The following RTP5 variants were observed in gnomAD, a reference collection of about 807,000 sequenced individuals.
RTP5 encodes the protein receptor transporter protein 5 (putative).
Under a neutral mutation model 23.5 loss-of-function variants are expected in RTP5, and 30 were observed. The ratio of observed to expected loss-of-function variants is 1.27; its 90% CI spans 0.95 to 1.73. The LOEUF (loss-of-function observed/expected upper bound fraction) is 1.73. Ranked by LOEUF, RTP5 falls within the 40% of genes most tolerant of loss-of-function variation. The pLI, the probability that RTP5 is intolerant of heterozygous loss-of-function variation, is 0.00. For synonymous variants in RTP5, 354 were observed against 342.1 expected, an observed-to-expected ratio of 1.03 and a Z score of -0.38; for missense variants, 807 against 784.2, an observed-to-expected ratio of 1.03 and a Z score of -0.35.
At position 241,869,876 on chromosome 2, in the gene RTP5, C is replaced by T. The variant is rs763164430; in HGVS notation, c.120C>T (p.Asp40=). 4.1e-5 allele frequency: 65 copies of T among 1,583,746 alleles called. No individual in the cohort carries two copies. The highest frequency in any genetic ancestry group is 1.0e-4 in the South Asian group (9 of 87,200). The stretch of plus-strand genomic sequence containing the variant: ...ACAGCCTGGTCCCGGGATGCCTGGA[C>T]GGCGGTGGTGTCCAGTACCTGCTGG... The part of the protein sequence containing the change: ...PEHSLVPGCL[D]GGGVQYLLVG... The change falls in exon 1 of 2, where the codon GAC becomes GAT. Residue 40 remains aspartate (D), a synonymous_variant. Coordinates refer to ENST00000343216, the MANE Select transcript of RTP5 (RefSeq NM_173821.3).
At position 241,872,316 on chromosome 2, in the gene RTP5, C is replaced by T; in HGVS notation, c.761C>T (p.Ala254Val). 3 of 1,605,884 alleles carry T rather than the reference C, an allele frequency of 1.9e-6. No individual in the cohort carries two copies. The highest frequency in any genetic ancestry group is 2.5e-6 in the Non-Finnish European group (3 of 1,176,538). The change falls in exon 2 of 2, where the codon GCC (alanine) becomes GTC (valine). Residue 254 changes from alanine to valine, a missense_variant. By Grantham distance (64) the Ala-to-Val change is moderately conservative. Coordinates refer to ENST00000343216, the MANE Select transcript of RTP5 (RefSeq NM_173821.3). ...ATCTTCCTGTCTGGGGATTCAGTGGCCATGCCTGGGGGCAAAGGCTTCCCG... is the reference window on the plus strand; with the variant it reads ...ATCTTCCTGTCTGGGGATTCAGTGGTCATGCCTGGGGGCAAAGGCTTCCCG... ...GSIFLSGDSV[A>V]MPGGKGFPVA...
Position 241,871,735 on chromosome 2 carries a change from G to T in RTP5, c.180G>T (p.Pro60=). 6.2e-7 allele frequency: 1 copy of T among 1,605,396 alleles called. No homozygotes were observed. Among genetic ancestry groups the T allele is most frequent in the Admixed American group, 1.7e-5 (1 of 58,942 alleles). The stretch of plus-strand genomic sequence containing the variant: ...GCAGGCTCCAGTGCGGTCACTGTCC[G>T]GGGACCTGGGACTCGGCCCATGTGC... The part of the protein sequence containing the change: ...GLSRLQCGHC[P]GTWDSAHVHV... The change falls in exon 2 of 2, where the codon CCG becomes CCT. Residue 60 remains proline (P), a synonymous_variant. Coordinates refer to ENST00000343216, the MANE Select transcript of RTP5 (RefSeq NM_173821.3).
rs1267619213 is a variant in RTP5, at chr2:241,869,929, TG to T, written c.158+19del. 5 of 1,485,036 alleles carry T rather than the reference TG, an allele frequency of 3.4e-6. No homozygotes were observed. The South Asian group carries it at 5.4e-5, about 16-fold the overall frequency. 92.0% of individuals were successfully genotyped at this position (1,485,036 alleles called of 1,614,324 possible). A position where few individuals can be genotyped will look rare whatever the true frequency, so the allele number is the denominator to read the frequency against. ...GGGCTCTCGAGGTGCGGCCAGAGGT[TG>T]GGGACCCTGGGAGAGGCAGGGGGCT... is the stretch of plus-strand genomic sequence containing the variant. On this transcript the variant is annotated intron_variant, in intron 1 of 1. Transcript: ENST00000343216.
rs770348603 is a variant in RTP5, at chr2:241,873,133, C to T, written c.1578C>T (p.Asp526=). 5.6e-6 allele frequency: 9 copies of T among 1,612,216 alleles called. No individual in the cohort carries two copies. The highest frequency in any genetic ancestry group is 4.0e-5 in the African/African-American group (3 of 75,050). The change falls in exon 2 of 2, where the codon GAC becomes GAT. Residue 526 remains aspartate (D), a synonymous_variant. Coordinates refer to ENST00000343216, the MANE Select transcript of RTP5 (RefSeq NM_173821.3). ...GCTGTGGGTGCCGCCGGGAGGAAGA[C>T]GAGCGCCCTGGCCGTGCCTGCCGTA... The part of the protein sequence containing the change: ...KARCGCRREE[D]ERPGRACRRP...
chr2:241,869,841 C>G lies in RTP5; in HGVS notation c.85C>G (p.Leu29Val), dbSNP rs1414745224. ...ERKPQDVWVL[L>V]PEHSLVPGCL... ...GAAGCCCCAGGACGTCTGGGTTCTG[C>G]TACCTGAGCACAGCCTGGTCCCGGG... Residue 29 changes from leucine to valine, a missense_variant, in exon 1 of 2, where the codon CTA (leucine) becomes GTA (valine). Leu to Val is a conservative substitution (Grantham distance 32). Coordinates refer to ENST00000343216, the MANE Select transcript of RTP5 (RefSeq NM_173821.3). The G allele has an allele frequency of 1.9e-6, 3 of 1,585,254 alleles. No homozygotes were observed. In the African/African-American group the frequency reaches 4.1e-5, roughly 21 times the overall value.
In RTP5 at chr2:241,873,190, G is replaced by T; in HGVS notation, c.1635G>T (p.Trp545Cys). The change falls in exon 2 of 2, where the codon TGG becomes TGT. Residue 545 changes from tryptophan to cysteine, a missense_variant. Coordinates refer to ENST00000343216, the MANE Select transcript of RTP5 (RefSeq NM_173821.3). ...RPHAEPYEDFWIWVSMTVCVF... is the reference protein window; with the variant it reads ...RPHAEPYEDFCIWVSMTVCVF... ...ACGCCGAGCCCTACGAGGACTTCTG[G>T]ATCTGGGTGTCCATGACCGTGTGCG... The T allele has an allele frequency of 6.2e-7, 1 of 1,610,296 alleles. No homozygotes were observed.
chr2:241,870,934 C>A, intron 1 of RTP5: 1 of 471,088 alleles, frequency 2.1e-6, no homozygotes, highest in South Asian at 1.5e-5. Flanking sequence ...ATAGAACATT[C>A]TGTCATCCAG....
intron 1 of RTP5, among the ~76,000 whole-genome samples, 168 bp from the exon 2 acceptor site, chr2:241,871,546 G>A (rs527743325): frequency 6.6e-6 from 1 of 152,304 alleles, no homozygotes; most frequent in East Asian, 1.9e-4. Context: ...CCTTGGCCGC[G>A]GCCCTGGGTG....
chr2:241,872,292 T>C lies in RTP5; in HGVS notation c.737T>C (p.Ile246Thr), dbSNP rs1422138754. The C allele has an allele frequency of 2.5e-6, 4 of 1,599,916 alleles. No individual in the cohort carries two copies. Among genetic ancestry groups the C allele is most frequent in the Non-Finnish European group, 3.4e-6 (4 of 1,172,084 alleles). ...GCCCTGGTCATCGGCCAGGGCTCCA[T>C]CTTCCTGTCTGGGGATTCAGTGGCC... ...CEALVIGQGS[I>T]FLSGDSVAMP... Residue 246 changes from isoleucine to threonine, a missense_variant, in exon 2 of 2, where the codon ATC becomes ACC. Ile to Thr is a moderately conservative substitution (Grantham distance 89, BLOSUM62 -1). Transcript: ENST00000343216.
chr2:241,873,142 TG>T lies in RTP5; in HGVS notation c.1589del (p.Gly530AlafsTer21). ...GCRREEDERP[G>X]RACRRPHAEP... ...GCCGCCGGGAGGAAGACGAGCGCCC[TG>T]GCCGTGCCTGCCGTAGGCCGCACGC... On this transcript the variant is annotated frameshift_variant, in exon 2 of 2. Coordinates refer to ENST00000343216, the MANE Select transcript of RTP5 (RefSeq NM_173821.3). LOFTEE classifies it high-confidence loss of function. 6.2e-7 allele frequency: 1 copy of T among 1,611,912 alleles called. No individual in the cohort carries two copies. The highest frequency in any genetic ancestry group is 8.5e-7 in the Non-Finnish European group (1 of 1,179,896).
In RTP5 at chr2:241,872,153, G is replaced by A. The variant is rs755381124; in HGVS notation, c.598G>A (p.Val200Ile). ...TPGDDLGKGG[V>I]VIAIPFSLVG... ...TGGCGACGACCTTGGCAAGGGTGGC[G>A]TTGTCATCGCCATCCCCTTCTCCCT... The change falls in exon 2 of 2, where the codon GTT becomes ATT. Residue 200 changes from valine to isoleucine, a missense_variant. Coordinates refer to ENST00000343216, the MANE Select transcript of RTP5 (RefSeq NM_173821.3). 16 of 1,611,672 alleles carry A rather than the reference G, an allele frequency of 9.9e-6. No homozygotes were observed. Among genetic ancestry groups the A allele is most frequent in the African/African-American group, 2.7e-5 (2 of 75,048 alleles).
At chr2:241,869,945 G>A in intron 1 of RTP5, 31 bp downstream of exon 1, 1 of 1,457,506 alleles carries the variant, frequency 6.9e-7, no homozygotes, top group Non-Finnish European at 9.0e-7. Flanking sequence ...CCCTGGGAGA[G>A]GCAGGGGGCT....
intron 1 of RTP5, chr2:241,871,217 C>A (rs1294110116): frequency 2.7e-6 from 1 of 374,286 alleles, no homozygotes; most frequent in Non-Finnish European, 5.3e-6. Context: ...GGGACCCCCA[C>A]TTGCTGAGCC....
In RTP5 at chr2:241,873,388, G is replaced by A. The variant is rs1351618296; in HGVS notation, c.*114G>A. 4.4e-6 allele frequency: 4 copies of A among 917,876 alleles called. No homozygotes were observed. The highest frequency in any genetic ancestry group is 1.3e-4 in the Admixed American group (2 of 15,896). 56.9% of individuals were successfully genotyped at this position (917,876 alleles called of 1,614,324 possible). On this transcript the variant is annotated 3_prime_UTR_variant, in exon 2 of 2. Coordinates refer to ENST00000343216, the MANE Select transcript of RTP5 (RefSeq NM_173821.3). ...CCTCCGAGACCCCGCCTCCACCTCCGAGACCCCTTTCTCTGAGACCCCCGC... is the reference window on the plus strand; with the variant it reads ...CCTCCGAGACCCCGCCTCCACCTCCAAGACCCCTTTCTCTGAGACCCCCGC...
At position 241,872,482 on chromosome 2, in the gene RTP5, C is replaced by G. The variant is rs190333141; in HGVS notation, c.927C>G (p.Ile309Met). 1 of 1,596,864 alleles carries G rather than the reference C, an allele frequency of 6.3e-7. No homozygotes were observed. The highest frequency in any genetic ancestry group is 2.2e-5 in the East Asian group (1 of 44,620). The change falls in exon 2 of 2, where the codon ATC (isoleucine) becomes ATG (methionine). Residue 309 changes from isoleucine (I) to methionine (M), a missense_variant. Physicochemically the swap from Ile to Met is conservative, Grantham distance 10 (BLOSUM62 1). Coordinates refer to ENST00000343216, the MANE Select transcript of RTP5 (RefSeq NM_173821.3). The part of the protein sequence containing the change: ...PVGVAQGWGP[I>M]SLNNGLVPVG... The stretch of plus-strand genomic sequence containing the variant: ...GCGTGGCCCAGGGCTGGGGCCCCAT[C>G]TCCCTCAACAATGGCCTCGTCCCTG...
chr2:241,873,066 A>G lies in RTP5; in HGVS notation c.1511A>G (p.Tyr504Cys). The G allele has an allele frequency of 3.7e-6, 6 of 1,612,996 alleles. No homozygotes were observed. Among genetic ancestry groups the G allele is most frequent in the Non-Finnish European group, 5.1e-6 (6 of 1,179,924 alleles). The change falls in exon 2 of 2, where the codon TAT (tyrosine) becomes TGT (cysteine). Residue 504 changes from tyrosine to cysteine, a missense_variant. Coordinates refer to ENST00000343216, the MANE Select transcript of RTP5 (RefSeq NM_173821.3). ...PQGNGCFSQG[Y>C]YQKRQLRSRF... ...GGCAATGGCTGCTTCTCCCAAGGCT[A>G]TTACCAGAAGAGGCAGCTGAGGTCC...
chr2:241,869,777 CAT>C lies in RTP5; in HGVS notation c.22_23del (p.Met8ValfsTer23). 1 of 1,537,500 alleles carries C rather than the reference CAT, an allele frequency of 6.5e-7. No homozygotes were observed. Among genetic ancestry groups the C allele is most frequent in the East Asian group, 2.5e-5 (1 of 40,134 alleles). On this transcript the variant is annotated frameshift_variant, in exon 1 of 2. Coordinates refer to ENST00000343216, the MANE Select transcript of RTP5 (RefSeq NM_173821.3). LOFTEE classifies it high-confidence loss of function. MDRAGAD[M>X]WASTFTLAMA... ...GCAGCATGGACCGGGCTGGGGCAGA[CAT>C]GTGGGCCAGCACCTTCACCCTGGCC... is the stretch of plus-strand genomic sequence containing the variant.
chr2:241,872,330 A>T lies in RTP5; in HGVS notation c.775A>T (p.Lys259Ter), dbSNP rs1272031659. 3.1e-6 allele frequency: 5 copies of T among 1,608,922 alleles called. No homozygotes were observed. The highest frequency in any genetic ancestry group is 4.2e-6 in the Non-Finnish European group (5 of 1,178,200). ...SGDSVAMPGG[K>*]GFPVAIGDPL... ...GGATTCAGTGGCCATGCCTGGGGGC[A>T]AAGGCTTCCCGGTGGCCATTGGAGA... Residue 259 changes from lysine (K) to a stop codon, truncating the protein, a stop_gained, in exon 2 of 2, where the codon AAA becomes TAA. Transcript: ENST00000343216. LOFTEE classifies it high-confidence loss of function.
In RTP5 at chr2:241,873,318, G is replaced by T. The variant is rs779503862; in HGVS notation, c.*44G>T. The stretch of plus-strand genomic sequence containing the variant: ...ACCCTCGCCTCTGGGACCCCGCCTC[G>T]CCTCTGAGACACCCCCCAACCCCGC... On this transcript the variant is annotated 3_prime_UTR_variant, in exon 2 of 2. Coordinates refer to ENST00000343216, the MANE Select transcript of RTP5 (RefSeq NM_173821.3). 1.3e-6 allele frequency: 2 copies of T among 1,507,064 alleles called. No homozygotes were observed. The highest frequency in any genetic ancestry group is 1.9e-5 in the Admixed American group (1 of 51,936). 93.4% of individuals were successfully genotyped at this position (1,507,064 alleles called of 1,614,324 possible). A position where few individuals can be genotyped will look rare whatever the true frequency, so the allele number is the denominator to read the frequency against.
Sources: gnomAD v4.1 joint callset for allele counts (sites outside exome capture counted in the v4.1 genomes callset) on GRCh38, gnomAD v4.1.1 for gene constraint, MANE v1.5 for transcripts, NCBI Gene and HGNC (gene_info 2026-07-23, HGNC 2026-07-21) for gene names.